Variants in ESRRG observed in about 807,000 individuals in gnomAD.
ESRRG encodes estrogen related receptor gamma.
In ESRRG, 13 loss-of-function variants were observed where a neutral mutation model predicts 44.0. The observed-to-expected ratio is 0.30, with a 90% CI of 0.19 to 0.47. The LOEUF (loss-of-function observed/expected upper bound fraction) is 0.47, where lower values mean the gene tolerates loss of function less well. Among genes scored for constraint, ESRRG ranks in the 20% least tolerant of loss-of-function variants. The pLI, the probability that ESRRG is intolerant of heterozygous loss-of-function variation, is 1.00. For synonymous variants in ESRRG, 215 were observed against 214.6 expected, an observed-to-expected ratio of 1.00 and a Z score of -0.02; for missense variants, 395 against 580.6, an observed-to-expected ratio of 0.68 and a Z score of 3.29.
intron 2 of ESRRG, among the ~76,000 whole-genome samples, chr1:216,898,450 T>A (rs562850760): frequency 6.6e-6 from 1 of 152,156 alleles, no homozygotes; most frequent in Non-Finnish European, 1.5e-5. Flanking sequence ...AAAACCCATC[T>A]CTACTAAAAA....
At chr1:216,875,628 T>G (rs1436890) in intron 2 of ESRRG, among the ~76,000 whole-genome samples, 32,787 of 151,862 alleles carry the variant, frequency 0.22, 3,588 homozygotes, top group Middle Eastern at 0.24. Flanking sequence ...GAATTCTATA[T>G]TTATATTATA....
chr1:216,625,432 A>G (rs1056006028), intron 3 of ESRRG, among the ~76,000 whole-genome samples: 1 of 151,734 alleles, frequency 6.6e-6, no homozygotes, highest in Non-Finnish European at 1.5e-5. Context: ...GCAAAAAAAA[A>G]AAAAAAAATC....
chr1:216,553,956 C>T (rs532415645), intron 5 of ESRRG, among the ~76,000 whole-genome samples: 8 of 152,098 alleles, frequency 5.3e-5, no homozygotes, highest in South Asian at 2.1e-4. Flanking sequence ...ACAATGGGGG[C>T]GTTATGACCA....
chr1:216,932,827 C>A (rs996735144), intron 2 of ESRRG, among the ~76,000 whole-genome samples: 2 of 148,886 alleles, frequency 1.3e-5, no homozygotes, highest in African/African-American at 5.0e-5. Flanking sequence ...TTTGGCCTCC[C>A]AAAGTGCTAG....
intron 3 of ESRRG, among the ~76,000 whole-genome samples, chr1:216,569,180 GGGAAGGGAAGGGAAA>G (rs2060279261): frequency 1.6e-5 from 1 of 60,966 alleles, no homozygotes; most frequent in South Asian, 4.9e-4. Flanking sequence ...GGGAAGGGAA[GGGAAGGGAAGGGAAA>G]GGAAAGGAAA....
At chr1:217,003,674 T>A (rs1041694272) in intron 1 of ESRRG, among the ~76,000 whole-genome samples, 2 of 150,188 alleles carry the variant, frequency 1.3e-5, no homozygotes, top group African/African-American at 5.0e-5. Flanking sequence ...GTAATTCATT[T>A]GTTATTGGCC....
intron 2 of ESRRG, among the ~76,000 whole-genome samples, chr1:216,848,007 A>G (rs569116068): frequency 6.6e-6 from 1 of 152,276 alleles, no homozygotes; most frequent in Non-Finnish European, 1.5e-5. Flanking sequence ...TTAGAGGCAG[A>G]TAATTCTTTG....
At chr1:216,878,254 C>T (rs1428659485) in intron 2 of ESRRG, among the ~76,000 whole-genome samples, 1 of 152,046 alleles carries the variant, frequency 6.6e-6, no homozygotes, top group African/African-American at 2.4e-5. Flanking sequence ...CTTTGCCTAC[C>T]TTTTAAACTG....
intron 2 of ESRRG, among the ~76,000 whole-genome samples, chr1:216,767,327 C>A (rs2093133939): frequency 6.6e-6 from 1 of 152,014 alleles, no homozygotes; most frequent in East Asian, 1.9e-4. Context: ...GACACTATTT[C>A]TGAAAAATAA....
chr1:216,727,231 GATT>G (rs1055448434), upstream of ESRRG, among the ~76,000 whole-genome samples: 16 of 152,116 alleles, frequency 1.1e-4, no homozygotes, highest in African/African-American at 3.4e-4. Flanking sequence ...CTTTCCTCAG[GATT>G]ATAAAATCTT....
upstream of ESRRG, among the ~76,000 whole-genome samples, chr1:217,093,111 A>T (rs2092373087): frequency 6.6e-6 from 1 of 152,338 alleles, no homozygotes; most frequent in South Asian, 2.1e-4. Context: ...ATGTCAAGAT[A>T]TTAAAATTTC....
chr1:216,991,434 T>C (rs2075680864), intron 1 of ESRRG, among the ~76,000 whole-genome samples: 1 of 152,148 alleles, frequency 6.6e-6, no homozygotes. Context: ...ACTCGGCATA[T>C]ATTCATTGGG....
chr1:216,737,467 C>T (rs139937918), intron 2 of ESRRG, among the ~76,000 whole-genome samples: 299 of 152,208 alleles, frequency 2.0e-3, no homozygotes, highest in Non-Finnish European at 3.4e-3. Flanking sequence ...AATTCCAATC[C>T]TCAGGCCTCA....
At chr1:216,528,707 C>T (rs540314327) in intron 5 of ESRRG, among the ~76,000 whole-genome samples, 60 of 152,178 alleles carry the variant, frequency 3.9e-4, no homozygotes, top group African/African-American at 1.4e-3. Context: ...CTCATGAGAA[C>T]ATTTTCCACA....
At chr1:217,046,902 G>GA (rs112559805) in intron 1 of ESRRG, among the ~76,000 whole-genome samples, 2 of 152,004 alleles carry the variant, frequency 1.3e-5, no homozygotes, top group African/African-American at 2.4e-5. Flanking sequence ...AAAGGGGGGG[G>GA]AATGGAAGAT....
chr1:216,552,912 C>T (rs2056735700), intron 5 of ESRRG, among the ~76,000 whole-genome samples: 1 of 152,122 alleles, frequency 6.6e-6, no homozygotes, highest in Non-Finnish European at 1.5e-5. Flanking sequence ...AGAATAACAG[C>T]AATTCACAGA....
intron 1 of ESRRG, among the ~76,000 whole-genome samples, chr1:216,999,373 C>A (rs2076743597): frequency 6.6e-6 from 1 of 152,190 alleles, no homozygotes; most frequent in African/African-American, 2.4e-5. Flanking sequence ...CAAGCACATA[C>A]ATGCTAGGAA....
chr1:216,898,127 G>A (rs2058635822), intron 2 of ESRRG, among the ~76,000 whole-genome samples: 2 of 152,150 alleles, frequency 1.3e-5, no homozygotes, highest in African/African-American at 2.4e-5. Flanking sequence ...AAATCAGAAA[G>A]ATCTGATTTT....
At chr1:216,824,376 G>A (rs1248826619) in intron 2 of ESRRG, among the ~76,000 whole-genome samples, 3 of 152,172 alleles carry the variant, frequency 2.0e-5, no homozygotes, top group African/African-American at 7.2e-5. Context: ...AACAGGGGAG[G>A]GGGAGGTTGT....
Sources: gnomAD v4.1 joint callset for allele counts (sites outside exome capture counted in the v4.1 genomes callset) on GRCh38, gnomAD v4.1.1 for gene constraint, MANE v1.5 for transcripts, NCBI Gene and HGNC (gene_info 2026-07-23, HGNC 2026-07-21) for gene names.